Variants in CRYZL1 observed in about 807,000 individuals in gnomAD.
CRYZL1 encodes ferry endosomal RAB5 effector complex subunit 4.
Under a neutral mutation model 50.6 loss-of-function variants are expected in CRYZL1, and 34 were observed. That is an observed-to-expected ratio of 0.67 (90% confidence interval 0.51 to 0.89). The LOEUF (loss-of-function observed/expected upper bound fraction) is 0.89, where lower values mean the gene tolerates loss of function less well. CRYZL1 is among the 40% of genes least tolerant of loss of function. CRYZL1 has a pLI of 0.00. For synonymous variants in CRYZL1, 125 were observed against 134.3 expected, an observed-to-expected ratio of 0.93 and a Z score of 0.48; for missense variants, 354 against 402.3, an observed-to-expected ratio of 0.88 and a Z score of 1.03.
chr21:33,640,258 C>T (rs376797487), intron 1 of CRYZL1: 66 of 1,532,868 alleles, frequency 4.3e-5, no homozygotes, highest in South Asian at 3.9e-4. Context: ...TCTTGTATGG[C>T]GAACTACCTC....
chr21:33,600,933 G>GGTTTT (rs1569083557), intron 8 of CRYZL1, among the ~76,000 whole-genome samples: 2 of 59,520 alleles, frequency 3.4e-5, no homozygotes, highest in African/African-American at 1.3e-4. Flanking sequence ...GGTCCATAAA[G>GGTTTT]TTTTTTTTTT....
intron 2 of CRYZL1, among the ~76,000 whole-genome samples, chr21:33,629,024 A>AT (rs1205959852): frequency 6.6e-6 from 1 of 151,422 alleles, no homozygotes; most frequent in Non-Finnish European, 1.5e-5. Flanking sequence ...GAGCCCAGGA[A>AT]TTTGAGACCA....
chr21:33,596,708 A>G (rs543763765), intron 10 of CRYZL1, among the ~76,000 whole-genome samples: 1 of 151,984 alleles, frequency 6.6e-6, no homozygotes, highest in Non-Finnish European at 1.5e-5. Context: ...ACTAAATAAA[A>G]TTACACTTCA....
chr21:33,614,379 T>C (rs2086905310), intron 5 of CRYZL1, among the ~76,000 whole-genome samples: 1 of 150,264 alleles, frequency 6.7e-6, no homozygotes, highest in Non-Finnish European at 1.5e-5. Context: ...GTTCTAGCTA[T>C]TGAGGAGGCT....
At chr21:33,631,651 C>T (rs936084053) in intron 1 of CRYZL1, 94 bp from the exon 2 acceptor site, 30 of 713,330 alleles carry the variant, frequency 4.2e-5, no homozygotes, top group Admixed American at 1.2e-4. Context: ...AAGGATAAAA[C>T]GACAACTACA....
At chr21:33,598,296 A>T (rs2086716119) in intron 9 of CRYZL1, among the ~76,000 whole-genome samples, 1 of 152,222 alleles carries the variant, frequency 6.6e-6, no homozygotes, top group Non-Finnish European at 1.5e-5. Context: ...GATTTTCCTG[A>T]GCTATTTTCA....
chr21:33,599,087 T>C (rs2086724002), intron 9 of CRYZL1, 63 bp downstream of exon 9: 1 of 1,502,482 alleles, frequency 6.7e-7, no homozygotes, highest in Non-Finnish European at 9.1e-7. Flanking sequence ...TGGTTAAATT[T>C]TTTTTCTTAA....
chr21:33,597,582 C>T (rs1601326823), intron 9 of CRYZL1, among the ~76,000 whole-genome samples, 181 bp from the exon 10 acceptor site: 1 of 152,060 alleles, frequency 6.6e-6, no homozygotes, highest in South Asian at 2.1e-4. Context: ...GTTGGGACTA[C>T]AGGCACAGGC....
At position 33,613,578 on chromosome 21, in the gene CRYZL1, A is replaced by G. The variant is rs761694501; in HGVS notation, c.291T>C (p.Pro97=). The change falls in exon 6 of 13, where the codon CCT becomes CCC. Residue 97 remains proline (P), a synonymous_variant. Transcript: ENST00000381554. ...GTACTCTAACAACTTCACAAAGTCC[A>G]GGGTCTTCAGAGTCCAGGGGCAAAA... The part of the protein sequence containing the change: ...VGILPLDSED[P]GLCEVVRVHE... 1.2e-6 allele frequency: 2 copies of G among 1,613,502 alleles called. No individual in the cohort carries two copies. Among genetic ancestry groups the G allele is most frequent in the Non-Finnish European group, 1.7e-6 (2 of 1,179,430 alleles).
At chr21:33,637,789 A>G (rs1286023580) in intron 1 of CRYZL1, among the ~76,000 whole-genome samples, 1 of 136,672 alleles carries the variant, frequency 7.3e-6, no homozygotes, top group Non-Finnish European at 1.5e-5. Context: ...ATATATATAT[A>G]CACACACACA....
chr21:33,622,144 G>C, intron 3 of CRYZL1, 76 bp from the exon 4 acceptor site: 1 of 1,162,558 alleles, frequency 8.6e-7, no homozygotes, highest in South Asian at 1.3e-5. Flanking sequence ...AGGAAAGCGA[G>C]AGTAAAAGTC....
chr21:33,626,696 CAAA>C (rs1364493644), intron 2 of CRYZL1, among the ~76,000 whole-genome samples: 10 of 75,610 alleles, frequency 1.3e-4, no homozygotes, highest in Admixed American at 1.5e-4. Flanking sequence ...GACCCTGTCT[CAAA>C]AAAAAAAAAA....
rs1399419780 is a variant in CRYZL1, at chr21:33,597,290, T to C, written c.788A>G (p.Glu263Gly). The C allele has an allele frequency of 3.7e-6, 6 of 1,613,884 alleles. No individual in the cohort carries two copies. Among genetic ancestry groups the C allele is most frequent in the Non-Finnish European group, 5.1e-6 (6 of 1,179,748 alleles). The change falls in exon 10 of 13, where the codon GAA (glutamate) becomes GGA (glycine). Residue 263 changes from glutamate to glycine, a missense_variant. Coordinates refer to ENST00000381554, the MANE Select transcript of CRYZL1 (RefSeq NM_145858.3). The stretch of plus-strand genomic sequence containing the variant: ...GGTTTCTGATAGTACCTGAAGGTTT[T>C]CTTCTGTTGTTACCCAGTGGCCTCC... The part of the protein sequence containing the change: ...GVGGHWVTTE[E>G]NLQLDPPDSH...
rs114298553 is a variant in CRYZL1, at chr21:33,605,439, C to A, written c.332-1902G>T. 5.4e-3 allele frequency among the ~76,000 whole-genome samples: 827 copies of A among 151,750 alleles called. 7 individuals carry two copies. The highest frequency in any genetic ancestry group is 0.019 in the African/African-American group (793 of 41,362). On this transcript the variant is annotated intron_variant, in intron 6 of 12. Coordinates refer to ENST00000381554, the MANE Select transcript of CRYZL1 (RefSeq NM_145858.3). ...TTTAAAAAGTTCCGCATGATCTGAC[C>A]GTGAAACTATTCCTTAACATGTTTC... is the stretch of plus-strand genomic sequence containing the variant.
At chr21:33,605,903 C>G (rs539914054) in intron 6 of CRYZL1, among the ~76,000 whole-genome samples, 1 of 151,980 alleles carries the variant, frequency 6.6e-6, no homozygotes, top group Admixed American at 6.6e-5. Flanking sequence ...AATGCTTCCT[C>G]TAGTAGCAAT....
At chr21:33,600,935 T>TTTTTTG (rs1481003177) in intron 8 of CRYZL1, among the ~76,000 whole-genome samples, 3 of 102,872 alleles carry the variant, frequency 2.9e-5, no homozygotes, top group South Asian at 3.5e-4. Flanking sequence ...TCCATAAAGT[T>TTTTTTG]TTTTTTTTTT....
In CRYZL1 at chr21:33,622,026, C is replaced by T; in HGVS notation, c.187G>A (p.Gly63Arg). 1.9e-6 allele frequency: 3 copies of T among 1,612,568 alleles called. No homozygotes were observed. Among genetic ancestry groups the T allele is most frequent in the Non-Finnish European group, 2.5e-6 (3 of 1,178,892 alleles). The change falls in exon 4 of 13, where the codon GGG becomes AGG. Residue 63 changes from glycine to arginine, a missense_variant. Gly to Arg is a moderately radical substitution (Grantham distance 125, BLOSUM62 -2). Coordinates refer to ENST00000381554, the MANE Select transcript of CRYZL1 (RefSeq NM_145858.3). Reference sequence around the variant, plus strand: ...AATACAATTCCAGCAATTTCTCTCCCAACAGGAAATAAATCCTTTTTCATC... The same window carrying T: ...AATACAATTCCAGCAATTTCTCTCCTAACAGGAAATAAATCCTTTTTCATC... Reference protein sequence around the residue: ...MKMKKDLFPVGREIAGIVLDV... With the variant: ...MKMKKDLFPVRREIAGIVLDV...
chr21:33,640,133 G>A (rs564833890), intron 1 of CRYZL1: 6 of 1,546,056 alleles, frequency 3.9e-6, no homozygotes, highest in Middle Eastern at 1.8e-4. Context: ...GCCAATATGT[G>A]TATTTTTGCT....
chr21:33,641,092 C>T, intron 1 of CRYZL1: 1 of 1,535,446 alleles, frequency 6.5e-7, no homozygotes, highest in Non-Finnish European at 8.8e-7. Flanking sequence ...AACCTTTCTA[C>T]TCATAACGTG....
Sources: allele counts gnomAD v4.1 joint callset (sites outside exome capture counted in the v4.1 genomes callset), GRCh38; gene constraint gnomAD v4.1.1; transcripts MANE v1.5; gene names NCBI Gene and HGNC (gene_info 2026-07-23, HGNC 2026-07-21).